The following ZNF423 variants were observed in gnomAD, a reference collection of about 807,000 sequenced individuals.
ZNF423 encodes Ebf-associated zinc finger protein.
Under a neutral mutation model 95.8 loss-of-function variants are expected in ZNF423, and 12 were observed. That is an observed-to-expected ratio of 0.13 (90% CI 0.08 to 0.20). The LOEUF is 0.20. Ranked by LOEUF, ZNF423 falls within the 10% of genes least tolerant of loss-of-function variation. The pLI is 1.00. For synonymous variants in ZNF423, 749 were observed against 711.9 expected (o/e 1.05, Z -0.83); for missense variants, 1,316 against 1,737.1 (o/e 0.76, Z 4.31).
At chr16:49,729,680 A>ATTT (rs1199718138) in intron 3 of ZNF423, among the ~76,000 whole-genome samples, 1 of 143,782 alleles carries the variant, frequency 7.0e-6, no homozygotes, top group Non-Finnish European at 1.5e-5. Context: ...TATTATTATT[A>ATTT]TTATTTTAAA....
intron 1 of ZNF423, among the ~76,000 whole-genome samples, chr16:49,790,401 C>T (rs1212132802): frequency 6.6e-6 from 1 of 152,256 alleles, no homozygotes; most frequent in Non-Finnish European, 1.5e-5. Context: ...GGCTTTGCAG[C>T]CATCACTGGG....
In ZNF423 at chr16:49,599,163, A is replaced by G. The variant is rs532585462; in HGVS notation, c.3601+27007T>C. Among the ~76,000 whole-genome samples the G allele has an allele frequency of 4.6e-3, 700 of 152,282 alleles. 4 individuals are homozygous for G. Among genetic ancestry groups the G allele is most frequent in the African/African-American group, 0.016 (663 of 41,554 alleles). Reference sequence around the variant, plus strand: ...GCCTTTGAAATCGCTTACAGGTTGGAAGTAAATTAAAAACCAAGAAAGAAG... The same window carrying G: ...GCCTTTGAAATCGCTTACAGGTTGGGAGTAAATTAAAAACCAAGAAAGAAG... On this transcript the variant is annotated intron_variant, in intron 5 of 7. Coordinates refer to ENST00000563137, the MANE Select transcript of ZNF423 (RefSeq NM_001379286.1).
rs1274967301 is a variant in ZNF423 at position 49,488,670 on chromosome 16, G to T, written c.*2605C>A. ...TACAAGCCTCCCAGAGACCCTCTAA[G>T]GCCCCTCACAGTTGAAAGGCAAGTG... On this transcript the variant is annotated 3_prime_UTR_variant, in exon 8 of 8. Coordinates refer to ENST00000563137, the MANE Select transcript of ZNF423 (RefSeq NM_001379286.1). 1 of 152,224 alleles carries T rather than the reference G, an allele frequency of 6.6e-6. No individual in the cohort carries two copies. The highest frequency in any genetic ancestry group is 2.4e-5 in the African/African-American group (1 of 41,428). 9.4% of individuals were successfully genotyped at this position (152,224 alleles called of 1,614,324 possible).
chr16:49,842,490 T>C (rs1366649544), intron 1 of ZNF423, among the ~76,000 whole-genome samples: 1 of 151,418 alleles, frequency 6.6e-6, no homozygotes. Context: ...CTCGTACCTA[T>C]AATCCCAACA....
intron 2 of ZNF423, among the ~76,000 whole-genome samples, chr16:49,748,682 G>T (rs2033572718): frequency 6.6e-6 from 1 of 152,310 alleles, no homozygotes; most frequent in South Asian, 2.1e-4. Flanking sequence ...ACAGTTTCTG[G>T]AAATCTTTCC....
intron 1 of ZNF423, among the ~76,000 whole-genome samples, chr16:49,835,817 G>A (rs533524337): frequency 3.3e-5 from 5 of 152,218 alleles, no homozygotes; most frequent in African/African-American, 9.6e-5. Flanking sequence ...TGCTGCTCCC[G>A]GGTGTTGGTG....
chr16:49,511,560 C>G (rs974188765), intron 7 of ZNF423, among the ~76,000 whole-genome samples: 4 of 152,214 alleles, frequency 2.6e-5, no homozygotes, highest in Non-Finnish European at 5.9e-5. Context: ...AGTCAGGTTC[C>G]CAGTAAGCAC....
rs184565527 is a variant in ZNF423 at position 49,743,480 on chromosome 16, G to A, written c.101-12509C>T. On this transcript the variant is annotated intron_variant, in intron 2 of 7. Transcript: ENST00000563137. ...CTCTCAGCACCCAGCATAGGGCCTGGTACACAGCAGGTGATTAATAAGGAT... is the reference window on the plus strand; with the variant it reads ...CTCTCAGCACCCAGCATAGGGCCTGATACACAGCAGGTGATTAATAAGGAT... Among the ~76,000 whole-genome samples, 403 of 152,256 alleles carry A rather than the reference G, an allele frequency of 2.6e-3. 1 individual carries two copies. The highest frequency in any genetic ancestry group is 4.5e-3 in the Non-Finnish European group (305 of 68,010).
intron 7 of ZNF423, among the ~76,000 whole-genome samples, chr16:49,502,567 G>A (rs1280479420): frequency 2.0e-5 from 3 of 151,844 alleles, no homozygotes; most frequent in South Asian, 2.1e-4. Flanking sequence ...CCACATGACC[G>A]CATTCAAAAA....
intron 5 of ZNF423, among the ~76,000 whole-genome samples, chr16:49,561,137 G>C (rs1169225996): frequency 1.3e-5 from 2 of 152,150 alleles, no homozygotes; most frequent in African/African-American, 4.8e-5. Flanking sequence ...GGCTGTGCTA[G>C]AGCCAGTTCA....
At chr16:49,592,186 T>C (rs529713449) in intron 5 of ZNF423, among the ~76,000 whole-genome samples, 2 of 152,398 alleles carry the variant, frequency 1.3e-5, no homozygotes, top group South Asian at 2.1e-4. Context: ...TATCTATGCA[T>C]GTGTGAACAC....
chr16:49,859,084 G>A (rs1264905969), upstream of ZNF423, among the ~76,000 whole-genome samples: 20 of 152,306 alleles, frequency 1.3e-4, no homozygotes, highest in East Asian at 3.7e-3. Flanking sequence ...GAGTGAGGGG[G>A]CGGACAAAAG....
intron 2 of ZNF423, among the ~76,000 whole-genome samples, chr16:49,755,913 G>A (rs1286670864): frequency 1.3e-5 from 2 of 152,136 alleles, no homozygotes; most frequent in Non-Finnish European, 2.9e-5. Flanking sequence ...CTGTGCTAGG[G>A]ACCCGGTGGA....
chr16:49,833,904 C>CT (rs1194073086), intron 1 of ZNF423, among the ~76,000 whole-genome samples: 1 of 152,190 alleles, frequency 6.6e-6, no homozygotes, highest in Non-Finnish European at 1.5e-5. Context: ...TTGCACTTGG[C>CT]TCCTGTACTC....
chr16:49,791,920 T>C (rs1206990941), intron 1 of ZNF423, among the ~76,000 whole-genome samples: 2 of 149,166 alleles, frequency 1.3e-5, no homozygotes, highest in Non-Finnish European at 3.0e-5. Flanking sequence ...GAGAATTGCC[T>C]GAACCTGGGA....
chr16:49,725,067 G>A (rs34602168), intron 3 of ZNF423, among the ~76,000 whole-genome samples: 21,691 of 152,094 alleles, frequency 0.14, 2,446 homozygotes, highest in South Asian at 0.28. Context: ...CTTGAGCAAG[G>A]TCCTCCAGCT....
chr16:49,522,113 T>C (rs560874650), intron 7 of ZNF423, among the ~76,000 whole-genome samples: 1 of 152,308 alleles, frequency 6.6e-6, no homozygotes, highest in East Asian at 1.9e-4. Context: ...GATTGCTGCA[T>C]GCAGGTGCAG....
chr16:49,489,843 G>C lies in ZNF423; in HGVS notation c.*1432C>G, dbSNP rs1347201082. ...TGAGCACCAGCATGATGGAGGTGTGGGAGGTAACATGGAGGAGGCCTGGAG... is the reference window on the plus strand; with the variant it reads ...TGAGCACCAGCATGATGGAGGTGTGCGAGGTAACATGGAGGAGGCCTGGAG... On this transcript the variant is annotated 3_prime_UTR_variant, in exon 8 of 8. Coordinates refer to ENST00000563137, the MANE Select transcript of ZNF423 (RefSeq NM_001379286.1). 2 of 152,572 alleles carry C rather than the reference G, an allele frequency of 1.3e-5. No individual in the cohort carries two copies. Among genetic ancestry groups the C allele is most frequent in the East Asian group, 3.9e-4 (2 of 5,186 alleles). The allele number at this position is 152,572 out of a possible 1,614,324, so 9.5% of individuals were successfully genotyped here.
intron 7 of ZNF423, among the ~76,000 whole-genome samples, chr16:49,497,652 C>T (rs1967216451): frequency 6.6e-6 from 1 of 152,200 alleles, no homozygotes; most frequent in Admixed American, 6.5e-5. Flanking sequence ...CTGCCCACCA[C>T]TGGCCACTCC....
Sources: gnomAD v4.1 joint callset for allele counts (sites outside exome capture counted in the v4.1 genomes callset) on GRCh38, gnomAD v4.1.1 for gene constraint, MANE v1.5 for transcripts, NCBI Gene and HGNC (gene_info 2026-07-23, HGNC 2026-07-21) for gene names.